DIDO1: variants seen among roughly 807,000 people sequenced by gnomAD.
DIDO1 encodes the protein death-inducer obliterator 1.
In DIDO1, 16 loss-of-function variants were observed where a neutral mutation model predicts 99.4. The observed-to-expected ratio is 0.16, with a 90% CI of 0.11 to 0.24. The LOEUF (loss-of-function observed/expected upper bound fraction) is 0.24. DIDO1 is among the 10% of genes least tolerant of loss of function. The pLI is 1.00. For missense variants in DIDO1, 2,996 were observed against 3,014.0 expected (o/e 0.99, Z 0.14); for synonymous variants, 1,366 against 1,239.1 (o/e 1.10, Z -2.15).
chr20:62,905,598 G>A (rs1314205552), intron 6 of DIDO1: 11 of 1,551,346 alleles, frequency 7.1e-6, no homozygotes, highest in Non-Finnish European at 8.7e-6. Flanking sequence ...ATACTTACCA[G>A]AGCCTGAGAG....
intron 6 of DIDO1, among the ~76,000 whole-genome samples, chr20:62,902,288 T>G (rs2147452955): frequency 6.6e-6 from 1 of 152,294 alleles, no homozygotes; most frequent in Middle Eastern, 3.4e-3. Context: ...CAAAAGAATG[T>G]CATTACTGAC....
At chr20:62,929,692 A>AAAAAAATATATAT, upstream of DIDO1, among the ~76,000 whole-genome samples, 165 of 63,720 alleles carry the variant, frequency 2.6e-3, 3 homozygotes, top group African/African-American at 0.012. Flanking sequence ...AAAAAGAAAA[A>AAAAAAATATATAT]GTGTATATAT....
intron 1 of DIDO1, among the ~76,000 whole-genome samples, chr20:62,932,331 C>T (rs2065339885): frequency 6.6e-6 from 1 of 152,224 alleles, no homozygotes; most frequent in Admixed American, 6.5e-5. Flanking sequence ...ATTTCTACTT[C>T]TACCTGCCCA....
intron 5 of DIDO1, 139 bp downstream of exon 5, chr20:62,907,008 A>G: frequency 1.2e-6 from 1 of 822,774 alleles, no homozygotes. Flanking sequence ...GGAAGGTGGA[A>G]GACAAAGGTC....
At chr20:62,905,615 CAG>C (rs1448010801) in intron 6 of DIDO1, 16 of 1,552,834 alleles carry the variant, frequency 1.0e-5, no homozygotes, top group Non-Finnish European at 1.4e-5. Context: ...AGAGTGAAAA[CAG>C]AGATTAAAGA....
At chr20:62,890,498 GAAAT>G in intron 15 of DIDO1, 4 of 992,558 alleles carry the variant, frequency 4.0e-6, no homozygotes, top group Non-Finnish European at 4.8e-6. Flanking sequence ...ATTATTTCTA[GAAAT>G]AGTTTTCTAT....
intron 15 of DIDO1, chr20:62,889,599 AG>A: frequency 1.0e-6 from 1 of 985,412 alleles, no homozygotes; most frequent in Non-Finnish European, 1.2e-6. Flanking sequence ...GGGTCTTCAC[AG>A]GTGCGGAGAG....
At position 62,881,256 on chromosome 20, in the gene DIDO1, G is replaced by A. The variant is rs1383126799; in HGVS notation, c.4700C>T (p.Ala1567Val). Residue 1567 changes from alanine to valine, a missense_variant, in exon 16 of 16, where the codon GCC becomes GTC. Transcript: ENST00000395343. This position sits in a 1 kb window ranked among gnomAD's most constrained non-coding sequence, Gnocchi z 8.3. ...HRDPRQARRLATETGEGEGEP... is the reference protein window; with the variant it reads ...HRDPRQARRLVTETGEGEGEP... ...CCCCTCCCCCTCACCGGTCTCAGTG[G>A]CCAGGCGCCTCGCCTGCCGGGGGTC... 1.2e-6 allele frequency: 2 copies of A among 1,601,814 alleles called. No homozygotes were observed. The highest frequency in any genetic ancestry group is 1.7e-4 in the Middle Eastern group (1 of 6,038).
rs115781828 is a variant in DIDO1, at chr20:62,882,203, C to G, written c.3753G>C (p.Ala1251=). ...PSKYPLCSAD[A]AVSTTPPGSP... ...ACCCAGGAGGTGTGGTGCTGACAGC[C>G]GCGTCTGCAGAGCAGAGTGGATACT... Residue 1251 remains alanine (A), a synonymous_variant, in exon 16 of 16, where the codon GCG becomes GCC. Transcript: ENST00000395343. 2 of 1,613,444 alleles carry G rather than the reference C, an allele frequency of 1.2e-6. No individual in the cohort carries two copies. Among genetic ancestry groups the G allele is most frequent in the African/African-American group, 1.3e-5 (1 of 74,880 alleles).
At chr20:62,887,971 T>A in intron 15 of DIDO1, 3 of 985,482 alleles carry the variant, frequency 3.0e-6, no homozygotes, top group Non-Finnish European at 3.6e-6. Context: ...CATTAAGATA[T>A]GCAAGGACAA....
intron 15 of DIDO1, chr20:62,887,470 A>G (rs945753766): frequency 8.1e-6 from 8 of 985,368 alleles, no homozygotes; most frequent in Non-Finnish European, 8.4e-6. Flanking sequence ...AAGACCTCAG[A>G]GAAAAGAGCC....
intron 1 of DIDO1, among the ~76,000 whole-genome samples, chr20:62,916,062 TAAA>T (rs1485376390): frequency 6.6e-6 from 1 of 151,872 alleles, no homozygotes; most frequent in East Asian, 1.9e-4. Flanking sequence ...GCTTGTAAAA[TAAA>T]AACATATGTA....
intron 5 of DIDO1, 73 bp from the exon 6 acceptor site, chr20:62,906,173 T>C: frequency 6.5e-7 from 1 of 1,538,766 alleles, no homozygotes; most frequent in Non-Finnish European, 8.7e-7. Context: ...CACTGAGAGA[T>C]GAAGGCGGGG....
chr20:62,890,734 C>A, intron 15 of DIDO1: 1 of 1,394,912 alleles, frequency 7.2e-7, no homozygotes, highest in Non-Finnish European at 9.3e-7. Context: ...GTTTTTCCCT[C>A]TCTAAAAAAC....
chr20:62,912,429 CTTTTTTTTTT>C (rs200953791), intron 2 of DIDO1, among the ~76,000 whole-genome samples: 1 of 143,460 alleles, frequency 7.0e-6, no homozygotes, highest in African/African-American at 2.6e-5. Context: ...AGGTATATTT[CTTTTTTTTTT>C]TTTTTGAGAC....
Position 62,894,569 on chromosome 20 carries a change from A to T in DIDO1, c.2437-21T>A. 1 of 1,601,874 alleles carries T rather than the reference A, an allele frequency of 6.2e-7. No homozygotes were observed. The highest frequency in any genetic ancestry group is 8.5e-7 in the Non-Finnish European group (1 of 1,176,404). ...TGTTCCTAAAAAAGAAAAAGAAAAA[A>T]AAGTGAGGTCGTTTCTTCTCCAAAC... On this transcript the variant is annotated intron_variant, in intron 10 of 15. Transcript: ENST00000395343. The surrounding 1 kb of genome is among the most constrained non-coding windows in gnomAD (Gnocchi z 4.4).
chr20:62,895,261 GCA>G (rs1267438742), intron 8 of DIDO1, 96 bp from the exon 9 acceptor site: 4 of 1,188,636 alleles, frequency 3.4e-6, no homozygotes, highest in Non-Finnish European at 4.9e-6. Flanking sequence ...AGTTTAGCGG[GCA>G]CAGGACAAAG....
intron 6 of DIDO1, among the ~76,000 whole-genome samples, chr20:62,900,883 AG>A (rs1415434479): frequency 6.6e-6 from 1 of 152,224 alleles, no homozygotes; most frequent in Non-Finnish European, 1.5e-5. Context: ...CAGTCAGTGA[AG>A]GAACTGTGGA....
Position 62,882,087 on chromosome 20 carries a change from G to A in DIDO1, c.3869C>T (p.Ala1290Val), listed in dbSNP as rs775809565. 2 of 1,612,416 alleles carry A rather than the reference G, an allele frequency of 1.2e-6. No individual in the cohort carries two copies. The highest frequency in any genetic ancestry group is 1.3e-5 in the African/African-American group (1 of 75,004). The part of the protein sequence containing the change: ...KPAAPSPATA[A>V]TTAAAASTAA... ...CGTGGAGGCTGCCGCTGCTGTTGTG[G>A]CTGCTGTGGCTGGGCTGGGGGCTGC... Residue 1290 changes from alanine to valine, a missense_variant, in exon 16 of 16, where the codon GCC (alanine) becomes GTC (valine). Coordinates refer to ENST00000395343, the MANE Select transcript of DIDO1 (RefSeq NM_001193369.2).
Sources: gnomAD v4.1 joint callset for allele counts (sites outside exome capture counted in the v4.1 genomes callset) on GRCh38, gnomAD v4.1.1 for gene constraint, Gnocchi (gnomAD v3.1) non-coding constraint, MANE v1.5 for transcripts, NCBI Gene and HGNC (gene_info 2026-07-23, HGNC 2026-07-21) for gene names.